The following REEP5 variants were observed in gnomAD, a reference collection of about 807,000 sequenced individuals.
REEP5 encodes the protein receptor accessory protein 5.
Under a neutral mutation model 22.4 loss-of-function variants are expected in REEP5, and 24 were observed. That is an observed-to-expected ratio of 1.07 (90% CI 0.78 to 1.51). REEP5 has a LOEUF of 1.51. REEP5 is among the 40% of genes most tolerant of loss of function. The pLI, the probability that REEP5 is intolerant of heterozygous loss-of-function variation, is 0.00. For missense variants in REEP5, 252 were observed against 233.0 expected, an observed-to-expected ratio of 1.08 and a Z score of -0.53; for synonymous variants, 103 against 88.6, an observed-to-expected ratio of 1.16 and a Z score of -0.92.
intron 2 of REEP5, among the ~76,000 whole-genome samples, chr5:112,905,540 C>G (rs906973312): frequency 8.4e-5 from 9 of 107,174 alleles, no homozygotes; most frequent in African/African-American, 3.2e-4. Flanking sequence ...GACTCGGTCT[C>G]AAAAAAAAAA....
rs1767963032 is a variant in REEP5, at chr5:112,878,450, C to T, written c.*336G>A. ...AATGTAACTACAGAGAAAATGCGTGCAGGGAGAGCCCAGTAAAGTACACAG... is the reference window on the plus strand; with the variant it reads ...AATGTAACTACAGAGAAAATGCGTGTAGGGAGAGCCCAGTAAAGTACACAG... On this transcript the variant is annotated 3_prime_UTR_variant, in exon 5 of 5. Coordinates refer to ENST00000379638, the MANE Select transcript of REEP5 (RefSeq NM_005669.5). The T allele has an allele frequency of 3.9e-6, 1 of 257,630 alleles. No homozygotes were observed. Among genetic ancestry groups the T allele is most frequent in the East Asian group, 7.8e-5 (1 of 12,860 alleles). The allele number at this position is 257,630 out of a possible 1,614,324, so 16.0% of individuals were successfully genotyped here. A position where few individuals can be genotyped will look rare whatever the true frequency, so the allele number is the denominator to read the frequency against.
intron 4 of REEP5, among the ~76,000 whole-genome samples, chr5:112,882,811 T>C (rs970273153): frequency 4.1e-4 from 62 of 152,242 alleles, no homozygotes; most frequent in African/African-American, 1.4e-3. Flanking sequence ...AACTATTTCA[T>C]ACCTTCTCTT....
intron 2 of REEP5, among the ~76,000 whole-genome samples, chr5:112,905,041 A>T (rs1286645226): frequency 6.6e-5 from 10 of 152,224 alleles, no homozygotes; most frequent in Admixed American, 6.5e-4. Context: ...TTTTTAATAG[A>T]TCTTCTCATA....
At chr5:112,920,507 A>G (rs1275424475) in intron 2 of REEP5, among the ~76,000 whole-genome samples, 1 of 152,250 alleles carries the variant, frequency 6.6e-6, no homozygotes, top group African/African-American at 2.4e-5. Flanking sequence ...ACATTGTAGA[A>G]TAAAAACAAC....
At chr5:112,892,159 C>T (rs750379852) in intron 3 of REEP5, 5 of 1,613,978 alleles carry the variant, frequency 3.1e-6, no homozygotes, top group East Asian at 2.2e-5. Flanking sequence ...GGAGAAGGAT[C>T]GAGCTAATTG....
At chr5:112,922,038 G>A (rs763724995) in intron 1 of REEP5, 35 bp downstream of exon 1, 27 of 1,574,094 alleles carry the variant, frequency 1.7e-5, no homozygotes, top group Non-Finnish European at 2.2e-5. Flanking sequence ...CGGCTCCCGT[G>A]GCCCTACCAG....
chr5:112,876,784 AGACTGCC>A lies in REEP5; in HGVS notation c.*1995_*2001del, dbSNP rs1767907484. On this transcript the variant is annotated 3_prime_UTR_variant, in exon 5 of 5. Transcript: ENST00000379638. ...TCTCCTGCTGTTAACATTTACACTTAGACTGCCAGCAACAGTTAACTTAAATTTTGGT... is the reference window on the plus strand; with the variant it reads ...TCTCCTGCTGTTAACATTTACACTTAAGCAACAGTTAACTTAAATTTTGGT... 1 of 152,206 alleles carries A rather than the reference AGACTGCC, an allele frequency of 6.6e-6. No homozygotes were observed. Among genetic ancestry groups the A allele is most frequent in the African/African-American group, 2.4e-5 (1 of 41,452 alleles). The allele number at this position is 152,206 out of a possible 1,614,324, so 9.4% of individuals were successfully genotyped here.
intron 3 of REEP5, chr5:112,894,533 A>G (rs963056342): frequency 5.9e-5 from 9 of 152,220 alleles, no homozygotes; most frequent in African/African-American, 2.4e-5. Context: ...AAATGTCTTG[A>G]GTAACATTTT....
At chr5:112,882,101 T>C (rs1193751512) in intron 4 of REEP5, 1 of 153,998 alleles carries the variant, frequency 6.5e-6, no homozygotes, top group East Asian at 1.9e-4. Flanking sequence ...TTGATGATTT[T>C]AATATCCATG....
chr5:112,907,011 T>A (rs897443822), intron 2 of REEP5, among the ~76,000 whole-genome samples: 1 of 152,214 alleles, frequency 6.6e-6, no homozygotes, highest in African/African-American at 2.4e-5. Flanking sequence ...AACTCTAATA[T>A]GATCTAGAAC....
At chr5:112,918,919 C>G (rs28410985) in intron 2 of REEP5, among the ~76,000 whole-genome samples, 3,432 of 152,302 alleles carry the variant, frequency 0.023, 136 homozygotes, top group African/African-American at 0.078. Flanking sequence ...CTTTAGAGGG[C>G]TTACCACACG....
At chr5:112,896,560 A>C (rs1768686642) in intron 3 of REEP5, 1 of 152,274 alleles carries the variant, frequency 6.6e-6, no homozygotes, top group African/African-American at 2.4e-5. Context: ...AAAATGTTAT[A>C]TTCTCTGTCA....
At chr5:112,914,466 G>T (rs1174542163) in intron 2 of REEP5, among the ~76,000 whole-genome samples, 1 of 151,906 alleles carries the variant, frequency 6.6e-6, no homozygotes, top group Non-Finnish European at 1.5e-5. Flanking sequence ...TCAAACTCAA[G>T]CAATCCACCC....
intron 2 of REEP5, among the ~76,000 whole-genome samples, chr5:112,914,308 G>A (rs952242416): frequency 6.7e-6 from 1 of 150,352 alleles, no homozygotes; most frequent in Admixed American, 6.6e-5. Context: ...GAGTGCAGTG[G>A]CATCAACACA....
chr5:112,883,309 C>A (rs1373472588), intron 4 of REEP5, among the ~76,000 whole-genome samples: 1 of 152,202 alleles, frequency 6.6e-6, no homozygotes, highest in Non-Finnish European at 1.5e-5. Context: ...TCTGTGTTAT[C>A]AAAATCACTA....
rs534122422 is a variant in REEP5 at position 112,889,938 on chromosome 5, T to C, written c.352-2755A>G. ...GCCTCCCGGATTCAAGCGATTCTCC[T>C]GTCTCAGCCTCCCAAGTAGCTGGGA... On this transcript the variant is annotated intron_variant, in intron 3 of 4. Coordinates refer to ENST00000379638, the MANE Select transcript of REEP5 (RefSeq NM_005669.5). Among the ~76,000 whole-genome samples the C allele has an allele frequency of 6.5e-4, 98 of 150,066 alleles. 7 individuals are homozygous for C. The highest frequency in any genetic ancestry group is 2.4e-3 in the African/African-American group (97 of 40,130).
chr5:112,921,114 G>T lies in REEP5; in HGVS notation c.212+49C>A, dbSNP rs529613592. 2.9e-5 allele frequency: 46 copies of T among 1,565,486 alleles called. No individual in the cohort carries two copies. The East Asian group carries it at 6.3e-4, about 21-fold the overall frequency. On this transcript the variant is annotated intron_variant, in intron 2 of 4. Coordinates refer to ENST00000379638, the MANE Select transcript of REEP5 (RefSeq NM_005669.5). The stretch of plus-strand genomic sequence containing the variant: ...TGCAGTCTACTGCAGCAGCCCTGCG[G>T]GGAGGAATGGAGGAAGGGAAGGGGA...
At chr5:112,879,350 G>A (rs1045929488) in intron 4 of REEP5, among the ~76,000 whole-genome samples, 1 of 149,802 alleles carries the variant, frequency 6.7e-6, no homozygotes, top group Non-Finnish European at 1.5e-5. Flanking sequence ...GGGGGGCGGT[G>A]GGGGAGAGGA....
intron 2 of REEP5, among the ~76,000 whole-genome samples, chr5:112,913,755 A>G (rs1769171238): frequency 6.6e-6 from 1 of 152,112 alleles, no homozygotes; most frequent in South Asian, 2.1e-4. Context: ...ACATCCCTAC[A>G]CTTAAGACTG....
Sources: gnomAD v4.1 joint callset for allele counts (sites outside exome capture counted in the v4.1 genomes callset) on GRCh38, gnomAD v4.1.1 for gene constraint, MANE v1.5 for transcripts, NCBI Gene and HGNC (gene_info 2026-07-23, HGNC 2026-07-21) for gene names.